Variants in DMRT1 observed in about 807,000 individuals in gnomAD.
The protein encoded by DMRT1 is doublesex and mab-3 related transcription factor 1.
In DMRT1, 7 loss-of-function variants were observed where a neutral mutation model predicts 32.3. That is an observed-to-expected ratio of 0.22 (90% CI 0.12 to 0.41). DMRT1 has a LOEUF of 0.41. DMRT1 is among the 10% of genes least tolerant of loss of function. The probability of loss-of-function intolerance (pLI) is 1.00; values close to 1 mark genes in which losing one functional copy is unlikely to be tolerated. For synonymous variants in DMRT1, 278 were observed against 206.1 expected (o/e 1.35, Z -2.99); for missense variants, 625 against 500.5 (o/e 1.25, Z -2.37).
chr9:885,496 G>A (rs371004679), intron 2 of DMRT1, among the ~76,000 whole-genome samples: 2 of 152,170 alleles, frequency 1.3e-5, no homozygotes, highest in African/African-American at 2.4e-5. Context: ...CAAACGCAGC[G>A]TTGTTCTGCT....
intron 4 of DMRT1, among the ~76,000 whole-genome samples, chr9:955,944 G>T (rs1819585365): frequency 1.3e-5 from 2 of 152,228 alleles, no homozygotes; most frequent in African/African-American, 4.8e-5. Flanking sequence ...ATACCCCAAA[G>T]AATTGAAAGC....
chr9:867,485 G>A (rs1816042417), intron 2 of DMRT1, among the ~76,000 whole-genome samples: 1 of 152,232 alleles, frequency 6.6e-6, no homozygotes, highest in African/African-American at 2.4e-5. Context: ...CATTTACCGA[G>A]TGTCTGCCTT....
intron 4 of DMRT1, among the ~76,000 whole-genome samples, chr9:927,765 A>T (rs1365033162): frequency 1.3e-5 from 2 of 152,154 alleles, no homozygotes; most frequent in African/African-American, 4.8e-5. Flanking sequence ...AATTGGCATA[A>T]ATGGAATCTT....
At chr9:843,952 G>A (rs935545767) in intron 1 of DMRT1, among the ~76,000 whole-genome samples, 2 of 152,114 alleles carry the variant, frequency 1.3e-5, no homozygotes. Flanking sequence ...AATACACTGG[G>A]TGTGGCAGTA....
intron 2 of DMRT1, among the ~76,000 whole-genome samples, chr9:886,482 C>G (rs1428763032): frequency 6.6e-6 from 1 of 152,142 alleles, no homozygotes; most frequent in Admixed American, 6.6e-5. Context: ...TCCCAAACTC[C>G]TGACCTCAAG....
intron 4 of DMRT1, among the ~76,000 whole-genome samples, chr9:949,433 G>A (rs1233975220): frequency 6.6e-6 from 1 of 152,090 alleles, no homozygotes; most frequent in Non-Finnish European, 1.5e-5. Context: ...ACCGAAAGCT[G>A]TTCTTATTTA....
At chr9:882,579 C>T (rs950555955) in intron 2 of DMRT1, among the ~76,000 whole-genome samples, 1 of 152,100 alleles carries the variant, frequency 6.6e-6, no homozygotes, top group Admixed American at 6.5e-5. Context: ...TTGCTGCACA[C>T]AATGGATGGG....
At chr9:887,944 A>G (rs909201826) in intron 2 of DMRT1, among the ~76,000 whole-genome samples, 13 of 152,360 alleles carry the variant, frequency 8.5e-5, no homozygotes, top group African/African-American at 3.1e-4. Flanking sequence ...ATAACTAGTG[A>G]ATGAATCAAA....
chr9:880,947 A>G (rs947013509), intron 2 of DMRT1, among the ~76,000 whole-genome samples: 1 of 152,154 alleles, frequency 6.6e-6, no homozygotes, highest in Non-Finnish European at 1.5e-5. Flanking sequence ...CCACATTTTG[A>G]CAGCTGCTGC....
Position 917,069 on chromosome 9 carries a change from A to G in DMRT1, c.967+162A>G, listed in dbSNP as rs1236844234. Among the ~76,000 whole-genome samples, 3 of 152,318 alleles carry G rather than the reference A, an allele frequency of 2.0e-5. No individual in the cohort carries two copies. The East Asian group carries it at 5.8e-4, about 29-fold the overall frequency. On this transcript the variant is annotated intron_variant, in intron 4 of 4. Transcript: ENST00000382276. ...ATCCTTTAAAGAATTTAGTTATAAA[A>G]TGACTTTGCTATGCTTGATTCTTAA...
chr9:913,969 T>C (rs1056518283), intron 3 of DMRT1, among the ~76,000 whole-genome samples: 3 of 152,102 alleles, frequency 2.0e-5, no homozygotes, highest in Non-Finnish European at 2.9e-5. Flanking sequence ...GATCACGTAT[T>C]CTAGTCCCTG....
intron 3 of DMRT1, among the ~76,000 whole-genome samples, chr9:915,988 C>T (rs1019063642): frequency 5.3e-5 from 8 of 152,140 alleles, no homozygotes; most frequent in Admixed American, 2.0e-4. Flanking sequence ...CCATCTTGGC[C>T]TCCCAAAGTG....
At chr9:865,629 C>G (rs1472499834) in intron 2 of DMRT1, among the ~76,000 whole-genome samples, 1 of 152,238 alleles carries the variant, frequency 6.6e-6, no homozygotes, top group Middle Eastern at 3.4e-3. Context: ...AAAAATGAAG[C>G]TACCTGAACA....
chr9:950,901 A>G (rs1200433390), intron 4 of DMRT1, among the ~76,000 whole-genome samples: 2 of 152,086 alleles, frequency 1.3e-5, no homozygotes, highest in Non-Finnish European at 2.9e-5. Context: ...TTATTGTTTC[A>G]TAGTTGTTTT....
chr9:932,537 T>G (rs547183356), intron 4 of DMRT1, among the ~76,000 whole-genome samples: 1 of 152,314 alleles, frequency 6.6e-6, no homozygotes, highest in Non-Finnish European at 1.5e-5. Flanking sequence ...ACAACAATCT[T>G]ACTAAGTAAT....
chr9:901,232 C>T lies in DMRT1; in HGVS notation c.822+7037C>T, dbSNP rs189667452. On this transcript the variant is annotated intron_variant, in intron 3 of 4. Transcript: ENST00000382276. The stretch of plus-strand genomic sequence containing the variant: ...GTTTCACCATGTTGCCTGGGCTGGT[C>T]TCAGACTCCTGGACATTCAAGTGAT... 1.2e-3 allele frequency among the ~76,000 whole-genome samples: 188 copies of T among 152,256 alleles called. 1 individual carries two copies. The highest frequency in any genetic ancestry group is 4.3e-3 in the African/African-American group (177 of 41,542).
chr9:936,304 G>A (rs769619112), intron 4 of DMRT1, among the ~76,000 whole-genome samples: 2 of 152,110 alleles, frequency 1.3e-5, no homozygotes, highest in Non-Finnish European at 2.9e-5. Flanking sequence ...AGATATTGCA[G>A]TTTTATTGTA....
chr9:891,979 C>G (rs1392801996), intron 2 of DMRT1, among the ~76,000 whole-genome samples: 4 of 152,208 alleles, frequency 2.6e-5, no homozygotes, highest in African/African-American at 4.8e-5. Flanking sequence ...TGCCTTCTTG[C>G]TGGATCTCAC....
chr9:923,908 G>T (rs985357365), intron 4 of DMRT1, among the ~76,000 whole-genome samples: 1 of 152,034 alleles, frequency 6.6e-6, no homozygotes, highest in African/African-American at 2.4e-5. Context: ...ATCTGTTTTC[G>T]TTATGTGTCC....
Sources: gnomAD v4.1 joint callset for allele counts (sites outside exome capture counted in the v4.1 genomes callset) on GRCh38, gnomAD v4.1.1 for gene constraint, MANE v1.5 for transcripts, NCBI Gene and HGNC (gene_info 2026-07-23, HGNC 2026-07-21) for gene names.